GOSR2: variants seen among roughly 807,000 people sequenced by gnomAD.
GOSR2 encodes golgi SNAP receptor complex member 2.
GOSR2 carries 20 observed loss-of-function variants against 27.9 expected under a neutral mutation model. The observed-to-expected ratio is 0.72, with a 90% CI of 0.50 to 1.04. The LOEUF is 1.04. Ranked by LOEUF, GOSR2 falls within the 50% of genes least tolerant of loss-of-function variation. The probability of loss-of-function intolerance (pLI) is 0.00; values close to 1 mark genes in which losing one functional copy is unlikely to be tolerated. For synonymous variants in GOSR2, 91 were observed against 98.8 expected (o/e 0.92, Z 0.47); for missense variants, 261 against 270.5 (o/e 0.97, Z 0.25).
At chr17:46,943,640 G>A (rs1030739366), downstream of GOSR2, among the ~76,000 whole-genome samples, 39 of 152,054 alleles carry the variant, frequency 2.6e-4, no homozygotes, top group South Asian at 8.3e-4. Context: ...TCGGGTAAGC[G>A]GCTGCAGGAG....
In GOSR2 at chr17:46,938,908, C is replaced by T; in HGVS notation, c.*148C>T. 15 of 1,526,434 alleles carry T rather than the reference C, an allele frequency of 9.8e-6. No homozygotes were observed. Among genetic ancestry groups the T allele is most frequent in the Non-Finnish European group, 1.3e-5 (15 of 1,138,314 alleles). The allele number at this position is 1,526,434 out of a possible 1,614,324, so 94.6% of individuals were successfully genotyped here. On this transcript the variant is annotated 3_prime_UTR_variant, in exon 6 of 6. Coordinates refer to ENST00000640051, the MANE Select transcript of GOSR2 (RefSeq NM_004287.5). The stretch of plus-strand genomic sequence containing the variant: ...CTTGGGAGTGATTGTGGTCTAATTT[C>T]CAACCTGCTCTGTTTTCTGTGACAT...
At chr17:46,951,109 G>A (rs2090309734) in intron 6 of GOSR2, among the ~76,000 whole-genome samples, 1 of 152,200 alleles carries the variant, frequency 6.6e-6, no homozygotes, top group East Asian at 1.9e-4. Context: ...GGCTTCTCCA[G>A]CTTGAGGGCA....
Position 46,939,623 on chromosome 17 carries a change from C to CT in GOSR2, c.*864dup, listed in dbSNP as rs2088976807. ...AGTCTCAGCTCTAGTTTTAGTATCT[C>CT]TAATTCTTTGGTTCCCTTCTCTTCC... On this transcript the variant is annotated 3_prime_UTR_variant, in exon 6 of 6. Coordinates refer to ENST00000640051, the MANE Select transcript of GOSR2 (RefSeq NM_004287.5). 2 of 985,512 alleles carry CT rather than the reference C, an allele frequency of 2.0e-6. No homozygotes were observed. Among genetic ancestry groups the CT allele is most frequent in the African/African-American group, 3.5e-5 (2 of 57,248 alleles). 61.0% of individuals were successfully genotyped at this position (985,512 alleles called of 1,614,324 possible).
rs201083529 is a variant in GOSR2, at chr17:46,932,213, G to A, written c.336+14G>A. On this transcript the variant is annotated intron_variant, in intron 4 of 5. Transcript: ENST00000640051. ...TTCACCACTAACGTAAGCCAGGCCC[G>A]TGGTGAGGGTCGGCCTGCACTTGAC... is the stretch of plus-strand genomic sequence containing the variant. 9.5e-5 allele frequency: 154 copies of A among 1,613,934 alleles called. No individual in the cohort carries two copies. The highest frequency in any genetic ancestry group is 1.6e-4 in the Middle Eastern group (1 of 6,062).
downstream of GOSR2, among the ~76,000 whole-genome samples, chr17:46,943,217 G>A (rs1381200296): frequency 6.6e-6 from 1 of 152,130 alleles, no homozygotes; most frequent in African/African-American, 2.4e-5. Context: ...GGGCAGGGAT[G>A]GAAGCCTGAT....
chr17:46,961,808 C>A lies in GOSR2; in HGVS notation c.584-4726C>A, dbSNP rs1210423120. On this transcript the variant is annotated intron_variant, in intron 6 of 6. Transcript: ENST00000573224. ...AAATATTAATATCCAACAAAATGTA[C>A]ACCCTTTATCTAATGCCTACTGTAT... is the stretch of plus-strand genomic sequence containing the variant. 2.6e-5 allele frequency among the ~76,000 whole-genome samples: 4 copies of A among 152,122 alleles called. No homozygotes were observed. In the East Asian group the frequency reaches 7.7e-4, roughly 29 times the overall value.
chr17:46,953,417 T>G (rs1400257764), intron 6 of GOSR2, among the ~76,000 whole-genome samples: 2 of 152,250 alleles, frequency 1.3e-5, no homozygotes, highest in Non-Finnish European at 2.9e-5. Flanking sequence ...GTGGTGTATA[T>G]GTGCCACATT....
chr17:46,963,560 A>AT (rs1491463206), intron 6 of GOSR2: 2 of 147,012 alleles, frequency 1.4e-5, no homozygotes, highest in African/African-American at 5.0e-5. Flanking sequence ...AAAAAAAAAA[A>AT]TAGGCAGATG....
At chr17:46,956,274 G>C (rs947672859) in intron 6 of GOSR2, among the ~76,000 whole-genome samples, 2 of 126,092 alleles carry the variant, frequency 1.6e-5, no homozygotes, top group African/African-American at 5.8e-5. Context: ...TGCCTTGCCA[G>C]TCCTTTTTTT....
downstream of GOSR2, among the ~76,000 whole-genome samples, chr17:46,943,625 C>T (rs1034126284): frequency 1.3e-5 from 2 of 152,204 alleles, no homozygotes; most frequent in Non-Finnish European, 2.9e-5. Context: ...TAGGCGCAGG[C>T]GCCATCGGGT....
intron 4 of GOSR2, 38 bp from the exon 5 acceptor site, chr17:46,934,991 T>A: frequency 6.2e-7 from 1 of 1,600,166 alleles, no homozygotes; most frequent in Non-Finnish European, 8.6e-7. Flanking sequence ...AACTGACTGA[T>A]AAGCAAAGTT....
At chr17:46,957,901 C>T (rs976634787) in intron 6 of GOSR2, among the ~76,000 whole-genome samples, 2 of 152,172 alleles carry the variant, frequency 1.3e-5, no homozygotes, top group African/African-American at 2.4e-5. Flanking sequence ...TCACCCAGGA[C>T]GCTGCAGCAG....
At position 46,939,769 on chromosome 17, in the gene GOSR2, A is replaced by T; in HGVS notation, c.*1009A>T. ...GTAACACTCTGTTTTCAGGGACTAC[A>T]ACCTTTTTCCTTCTGTGACCAGCCC... On this transcript the variant is annotated 3_prime_UTR_variant, in exon 6 of 6. Coordinates refer to ENST00000640051, the MANE Select transcript of GOSR2 (RefSeq NM_004287.5). The T allele has an allele frequency of 1.0e-6, 1 of 987,666 alleles. No homozygotes were observed. The highest frequency in any genetic ancestry group is 1.2e-6 in the Non-Finnish European group (1 of 831,382). 61.2% of individuals were successfully genotyped at this position (987,666 alleles called of 1,614,324 possible). A position where few individuals can be genotyped will look rare whatever the true frequency, so the allele number is the denominator to read the frequency against.
chr17:46,940,985 C>A lies in GOSR2; in HGVS notation c.*2225C>A. On this transcript the variant is annotated 3_prime_UTR_variant, in exon 6 of 6. Transcript: ENST00000640051. ...GCCTCAGTGTAGGGAAGGGTCCAGG[C>A]CAGGGAAGGAGCACCCTCTAGTGGA... 8.5e-7 allele frequency: 1 copy of A among 1,182,314 alleles called. No homozygotes were observed. Among genetic ancestry groups the A allele is most frequent in the South Asian group, 1.9e-5 (1 of 53,890 alleles). 73.2% of individuals were successfully genotyped at this position (1,182,314 alleles called of 1,614,324 possible).
At chr17:46,967,426 T>C (rs752793585), downstream of GOSR2, among the ~76,000 whole-genome samples, 4 of 152,160 alleles carry the variant, frequency 2.6e-5, no homozygotes, top group Non-Finnish European at 4.4e-5. Flanking sequence ...ACGAAGATAG[T>C]ATGGAGGGGA....
chr17:46,940,016 T>C lies in GOSR2; in HGVS notation c.*1256T>C, dbSNP rs2147073784. ...TTCAGATCTGGAAACCGGCTCAGTA[T>C]TAACCCTACCTTTGGTTGTCCTGCC... On this transcript the variant is annotated 3_prime_UTR_variant, in exon 6 of 6. Coordinates refer to ENST00000640051, the MANE Select transcript of GOSR2 (RefSeq NM_004287.5). 9.7e-7 allele frequency: 1 copy of C among 1,036,130 alleles called. No homozygotes were observed. The highest frequency in any genetic ancestry group is 1.2e-6 in the Non-Finnish European group (1 of 860,286). 64.2% of individuals were successfully genotyped at this position (1,036,130 alleles called of 1,614,324 possible).
chr17:46,923,296 C>A, intron 1 of GOSR2, 75 bp downstream of exon 1: 1 of 1,548,464 alleles, frequency 6.5e-7, no homozygotes, highest in Non-Finnish European at 8.7e-7. Flanking sequence ...GGGCTGAGGC[C>A]TCGGACGTCA....
chr17:46,940,799 T>C lies in GOSR2; in HGVS notation c.*2039T>C, dbSNP rs2147085468. 2.7e-6 allele frequency: 4 copies of C among 1,492,496 alleles called. No individual in the cohort carries two copies. Among genetic ancestry groups the C allele is most frequent in the African/African-American group, 2.8e-5 (2 of 72,102 alleles). 92.5% of individuals were successfully genotyped at this position (1,492,496 alleles called of 1,614,324 possible). On this transcript the variant is annotated 3_prime_UTR_variant, in exon 6 of 6. Transcript: ENST00000640051. ...GGAATAAAAATTGCAGAGGTGGTTT[T>C]TGGGTCTTTACCACCTGCGGCTGGT...
chr17:46,925,312 A>G (rs556373752), intron 1 of GOSR2, among the ~76,000 whole-genome samples: 3 of 152,358 alleles, frequency 2.0e-5, no homozygotes, highest in South Asian at 2.1e-4. Flanking sequence ...CCCCACAACT[A>G]TTAGGCCCTC....
Sources: allele counts gnomAD v4.1 joint callset (sites outside exome capture counted in the v4.1 genomes callset), GRCh38; gene constraint gnomAD v4.1.1; transcripts MANE v1.5; gene names NCBI Gene and HGNC (gene_info 2026-07-23, HGNC 2026-07-21).